CSGALNACT1: variants seen among roughly 807,000 people sequenced by gnomAD.
CSGALNACT1 encodes the protein beta4GalNAcT-1.
CSGALNACT1 carries 52 observed loss-of-function variants against 51.0 expected under a neutral mutation model. The observed-to-expected ratio is 1.02, with a 90% CI of 0.82 to 1.29. CSGALNACT1 has a LOEUF of 1.29. CSGALNACT1 is among the 50% of genes most tolerant of loss of function. The pLI, the probability that CSGALNACT1 is intolerant of heterozygous loss-of-function variation, is 0.00. For synonymous variants in CSGALNACT1, 341 were observed against 254.4 expected, an observed-to-expected ratio of 1.34 and a Z score of -3.24; for missense variants, 935 against 679.2, an observed-to-expected ratio of 1.38 and a Z score of -4.19.
intron 4 of CSGALNACT1, among the ~76,000 whole-genome samples, chr8:19,471,012 C>T (rs933307604): frequency 1.5e-4 from 23 of 152,040 alleles, no homozygotes; most frequent in African/African-American, 5.6e-4. Context: ...ACGAGAGTCG[C>T]TTGAACCTGG....
At position 19,571,344 on chromosome 8, in the gene CSGALNACT1, G is replaced by C. The variant is rs544310592; in HGVS notation, c.-297+19816C>G. ...AGCTAGTCCCTACCTAAACACCTATGATTCAGGGAGTCCTAGAATTCTAGA... is the reference window on the plus strand; with the variant it reads ...AGCTAGTCCCTACCTAAACACCTATCATTCAGGGAGTCCTAGAATTCTAGA... On this transcript the variant is annotated intron_variant, in intron 3 of 9. Transcript: ENST00000454498. Among the ~76,000 whole-genome samples the C allele has an allele frequency of 5.9e-5, 9 of 152,132 alleles. No homozygotes were observed. In the East Asian group the frequency reaches 1.7e-3, roughly 29 times the overall value.
At chr8:19,709,545 GA>G (rs1396004370) in intron 1 of CSGALNACT1, among the ~76,000 whole-genome samples, 1 of 152,216 alleles carries the variant, frequency 6.6e-6, no homozygotes, top group African/African-American at 2.4e-5. Context: ...AATGAACTGA[GA>G]GAATGAAGTG....
At chr8:19,718,815 G>T (rs1041482299) in intron 1 of CSGALNACT1, among the ~76,000 whole-genome samples, 5 of 152,116 alleles carry the variant, frequency 3.3e-5, no homozygotes, top group African/African-American at 1.2e-4. Context: ...CTTCTGCAAG[G>T]ATCACCACGA....
chr8:19,601,583 A>G (rs1381104236), intron 2 of CSGALNACT1, among the ~76,000 whole-genome samples, 188 bp downstream of exon 2: 1 of 152,214 alleles, frequency 6.6e-6, no homozygotes, highest in Non-Finnish European at 1.5e-5. Flanking sequence ...AAGTGAATGA[A>G]AAGGATTCAA....
chr8:19,596,530 C>A (rs1481024932), intron 2 of CSGALNACT1, among the ~76,000 whole-genome samples: 3 of 147,100 alleles, frequency 2.0e-5, no homozygotes, highest in African/African-American at 7.6e-5. Flanking sequence ...TGAAGAAAAA[C>A]AAGTGAGAAA....
At chr8:19,524,330 C>G (rs1168774820) in intron 3 of CSGALNACT1, among the ~76,000 whole-genome samples, 1 of 152,142 alleles carries the variant, frequency 6.6e-6, no homozygotes, top group Non-Finnish European at 1.5e-5. Context: ...TCCATTCCCA[C>G]CATCCCCACT....
At chr8:19,585,681 G>A (rs908261234) in intron 3 of CSGALNACT1, among the ~76,000 whole-genome samples, 2 of 152,180 alleles carry the variant, frequency 1.3e-5, no homozygotes, top group Admixed American at 1.3e-4. Context: ...GCATGGTGCT[G>A]AGGAATGGAG....
intron 3 of CSGALNACT1, among the ~76,000 whole-genome samples, chr8:19,525,106 A>G (rs958086681): frequency 5.9e-5 from 9 of 152,228 alleles, no homozygotes; most frequent in African/African-American, 2.2e-4. Context: ...ATGCCCCTTC[A>G]GTATGGAAAC....
intron 6 of CSGALNACT1, among the ~76,000 whole-genome samples, chr8:19,434,055 A>T (rs1329929341): frequency 1.3e-5 from 2 of 152,142 alleles, no homozygotes; most frequent in Non-Finnish European, 2.9e-5. Context: ...TTCACACCAA[A>T]ATTCATCCAT....
At chr8:19,682,992 G>A (rs915114566), upstream of CSGALNACT1, 12 of 284,598 alleles carry the variant, frequency 4.2e-5, no homozygotes, top group South Asian at 3.7e-4. Flanking sequence ...CAGGTAGAAC[G>A]AGTTCACCCT....
intron 1 of CSGALNACT1, among the ~76,000 whole-genome samples, chr8:19,713,938 A>T (rs984563142): frequency 1.3e-5 from 2 of 152,164 alleles, no homozygotes; most frequent in African/African-American, 4.8e-5. Flanking sequence ...ACGTTTAGGA[A>T]ATGCCTTTCT....
intron 2 of CSGALNACT1, among the ~76,000 whole-genome samples, chr8:19,594,595 G>A (rs1414746641): frequency 6.6e-6 from 1 of 152,152 alleles, no homozygotes. Context: ...GTCACAAGGA[G>A]TGCAATGGCG....
chr8:19,757,433 C>A lies in CSGALNACT1; in HGVS notation c.-297+417G>T. 1.3e-5 allele frequency: 2 copies of A among 152,536 alleles called. No homozygotes were observed. The highest frequency in any genetic ancestry group is 3.7e-4 in the South Asian group (2 of 5,462). The allele number at this position is 152,536 out of a possible 1,614,324, so 9.4% of individuals were successfully genotyped here. A position where few individuals can be genotyped will look rare whatever the true frequency, so the allele number is the denominator to read the frequency against. ...GGGGCGGCCAAGGCCGGGCTGGGGT[C>A]GCGGTTGGCCGCGTACCTCCGCGTC... On this transcript the variant is annotated intron_variant, in intron 1 of 1. Transcript: ENST00000517494. The surrounding 1 kb of genome is among the most constrained non-coding windows in gnomAD (Gnocchi z 4.0).
At chr8:19,623,827 A>C (rs972792191) in intron 1 of CSGALNACT1, among the ~76,000 whole-genome samples, 3 of 152,236 alleles carry the variant, frequency 2.0e-5, no homozygotes, top group South Asian at 4.1e-4. Context: ...CTATTCACTG[A>C]AAGTGGGGAA....
chr8:19,561,638 C>T (rs1036616625), intron 3 of CSGALNACT1, among the ~76,000 whole-genome samples: 1 of 152,202 alleles, frequency 6.6e-6, no homozygotes, highest in Non-Finnish European at 1.5e-5. Context: ...TCTCCCTTTA[C>T]AAGGGGAAAA....
chr8:19,699,769 CT>C (rs1348743637), intron 1 of CSGALNACT1, among the ~76,000 whole-genome samples: 1 of 152,142 alleles, frequency 6.6e-6, no homozygotes, highest in Non-Finnish European at 1.5e-5. Context: ...CACTTAAACA[CT>C]GTTAACACTG....
intron 5 of CSGALNACT1, among the ~76,000 whole-genome samples, chr8:19,456,350 G>T (rs1391051760): frequency 6.6e-6 from 1 of 152,188 alleles, no homozygotes; most frequent in Non-Finnish European, 1.5e-5. Flanking sequence ...AGGACTCAGA[G>T]AATCAAAGCT....
Position 19,634,147 on chromosome 8 carries a change from G to A in CSGALNACT1, c.-543-32282C>T, listed in dbSNP as rs556226913. 5.9e-5 allele frequency among the ~76,000 whole-genome samples: 9 copies of A among 152,218 alleles called. 1 individual carries two copies. Among genetic ancestry groups the A allele is most frequent in the Admixed American group, 4.6e-4 (7 of 15,294 alleles). ...GTTAAGTAAACCTAGGACACTTTAC[G>A]TCATATTTGTTCATTTTGAAAACAT... On this transcript the variant is annotated intron_variant, in intron 1 of 9. Coordinates refer to the CSGALNACT1 transcript ENST00000332246.
intron 3 of CSGALNACT1, among the ~76,000 whole-genome samples, chr8:19,519,795 T>A (rs111612424): frequency 1.3e-5 from 2 of 152,182 alleles, no homozygotes; most frequent in African/African-American, 4.8e-5. Flanking sequence ...CTCCCAGGGG[T>A]GGCATTCTGG....
Sources: gnomAD v4.1 joint callset for allele counts (sites outside exome capture counted in the v4.1 genomes callset) on GRCh38, gnomAD v4.1.1 for gene constraint, Gnocchi (gnomAD v3.1) non-coding constraint, MANE v1.5 for transcripts, NCBI Gene and HGNC (gene_info 2026-07-23, HGNC 2026-07-21) for gene names.